EYS: variants seen among roughly 807,000 people sequenced by gnomAD.
EYS encodes the protein protein eyes shut homolog.
EYS carries 250 observed loss-of-function variants against 282.1 expected under a neutral mutation model. The observed-to-expected ratio is 0.89, with a 90% CI of 0.80 to 0.98. The LOEUF (loss-of-function observed/expected upper bound fraction) is 0.98. EYS is among the 50% of genes least tolerant of loss of function. The pLI is 0.00. For synonymous variants in EYS, 1,355 were observed against 1,282.9 expected, an observed-to-expected ratio of 1.06 and a Z score of -1.20; for missense variants, 4,016 against 3,709.0, an observed-to-expected ratio of 1.08 and a Z score of -2.15.
intron 26 of EYS, among the ~76,000 whole-genome samples, chr6:64,448,077 C>T (rs774673702): frequency 5.3e-5 from 8 of 152,176 alleles, no homozygotes; most frequent in Non-Finnish European, 7.4e-5. Flanking sequence ...ATCTGGGAAG[C>T]GCAGGGGGTC....
intron 16 of EYS, among the ~76,000 whole-genome samples, chr6:64,906,911 C>A (rs1767845554): frequency 6.6e-6 from 1 of 152,096 alleles, no homozygotes; most frequent in Non-Finnish European, 1.5e-5. Flanking sequence ...TTATTTAATT[C>A]TTGACATGTA....
In EYS at chr6:64,081,942, T is replaced by A. The variant is rs1039415909; in HGVS notation, c.6485A>T (p.Lys2162Met). Reference protein sequence around the residue: ...GNSYLELPFLKFVLEKEHNRT... With the variant: ...GNSYLELPFLMFVLEKEHNRT... Reference sequence around the variant, plus strand: ...GTTATGTTCCTTCTCCAGGACAAACTTCAAAAAGGGCAGTTCTAAATAGGA... The same window carrying A: ...GTTATGTTCCTTCTCCAGGACAAACATCAAAAAGGGCAGTTCTAAATAGGA... Residue 2162 changes from lysine (K) to methionine (M), a missense_variant, in exon 32 of 43, where the codon AAG (lysine) becomes ATG (methionine). Lys to Met is a moderately conservative substitution (Grantham distance 95). Transcript: ENST00000503581. The A allele has an allele frequency of 5.2e-6, 8 of 1,545,908 alleles. No homozygotes were observed. Among genetic ancestry groups the A allele is most frequent in the Middle Eastern group, 1.7e-4 (1 of 5,968 alleles).
At chr6:63,976,679 G>A (rs1766850581) in intron 35 of EYS, among the ~76,000 whole-genome samples, 1 of 151,968 alleles carries the variant, frequency 6.6e-6, no homozygotes, top group Admixed American at 6.6e-5. Flanking sequence ...CTTTGTATAG[G>A]AGCTAAATGA....
chr6:64,908,491 C>T (rs1767897885), intron 16 of EYS, among the ~76,000 whole-genome samples: 1 of 151,996 alleles, frequency 6.6e-6, no homozygotes, highest in South Asian at 2.1e-4. Context: ...GTTGGACGGC[C>T]TTTCTGGGTA....
intron 22 of EYS, among the ~76,000 whole-genome samples, chr6:64,661,582 C>G (rs1314273303): frequency 6.6e-6 from 1 of 151,776 alleles, no homozygotes; most frequent in African/African-American, 2.4e-5. Context: ...AGGATATGAA[C>G]AGACACTTCT....
At chr6:65,094,996 AT>A (rs1313191455) in intron 12 of EYS, among the ~76,000 whole-genome samples, 1 of 151,358 alleles carries the variant, frequency 6.6e-6, no homozygotes, top group Non-Finnish European at 1.5e-5. Context: ...AATAAAAAAA[AT>A]AGGAGATATT....
chr6:65,425,933 G>A (rs1425014894), intron 5 of EYS, among the ~76,000 whole-genome samples: 2 of 152,026 alleles, frequency 1.3e-5, no homozygotes, highest in African/African-American at 4.8e-5. Flanking sequence ...TAACCAAACT[G>A]AAGACTACAG....
At chr6:63,731,048 C>T (rs370828618) in intron 41 of EYS, among the ~76,000 whole-genome samples, 7 of 152,196 alleles carry the variant, frequency 4.6e-5, no homozygotes, top group African/African-American at 1.7e-4. Flanking sequence ...ATTACTAATA[C>T]TGATAAACAT....
At chr6:64,145,913 C>A (rs1205266335) in intron 31 of EYS, among the ~76,000 whole-genome samples, 1 of 152,180 alleles carries the variant, frequency 6.6e-6, no homozygotes, top group Non-Finnish European at 1.5e-5. Context: ...CTAATTTACA[C>A]TGAGCCCTTC....
chr6:65,056,613 T>A (rs1184578536), intron 13 of EYS, among the ~76,000 whole-genome samples: 1 of 151,980 alleles, frequency 6.6e-6, no homozygotes, highest in Non-Finnish European at 1.5e-5. Flanking sequence ...TGAAGTCTAA[T>A]ATTTTTACCG....
intron 26 of EYS, among the ~76,000 whole-genome samples, chr6:64,452,414 G>A (rs1384331313): frequency 2.0e-5 from 3 of 152,242 alleles, no homozygotes; most frequent in South Asian, 2.1e-4. Flanking sequence ...AATCAATATC[G>A]TGAAAATGGC....
chr6:63,888,775 G>A (rs1374367895), intron 35 of EYS, among the ~76,000 whole-genome samples: 1 of 152,212 alleles, frequency 6.6e-6, no homozygotes, highest in Non-Finnish European at 1.5e-5. Flanking sequence ...GCACAAAACT[G>A]GATGGAGAAT....
intron 32 of EYS, among the ~76,000 whole-genome samples, chr6:64,072,403 T>C (rs1399549647): frequency 1.3e-5 from 2 of 151,874 alleles, no homozygotes; most frequent in Non-Finnish European, 2.9e-5. Flanking sequence ...TTCTACTCTT[T>C]AGTATTTTTT....
chr6:65,056,739 ATTTG>A (rs1407383215), intron 13 of EYS, among the ~76,000 whole-genome samples: 2 of 152,150 alleles, frequency 1.3e-5, no homozygotes, highest in African/African-American at 4.8e-5. Context: ...AATATTACAT[ATTTG>A]TTAGAACATT....
At chr6:65,127,725 T>G (rs1329216454) in intron 12 of EYS, among the ~76,000 whole-genome samples, 1 of 152,058 alleles carries the variant, frequency 6.6e-6, no homozygotes, top group Admixed American at 6.6e-5. Flanking sequence ...TCTGAGAGAA[T>G]AGCAGTGGTC....
chr6:64,118,930 A>T (rs1216799453), intron 31 of EYS, among the ~76,000 whole-genome samples: 1 of 152,172 alleles, frequency 6.6e-6, no homozygotes, highest in Non-Finnish European at 1.5e-5. Flanking sequence ...GGAATAGCCA[A>T]CATGTATCTG....
At chr6:64,670,051 G>A (rs567430202) in intron 22 of EYS, among the ~76,000 whole-genome samples, 2 of 152,002 alleles carry the variant, frequency 1.3e-5, no homozygotes, top group African/African-American at 4.8e-5. Flanking sequence ...TCCAGGATCC[G>A]GGAGCCACCC....
At chr6:64,271,965 G>T (rs1338902599) in intron 30 of EYS, among the ~76,000 whole-genome samples, 1 of 152,126 alleles carries the variant, frequency 6.6e-6, no homozygotes, top group East Asian at 1.9e-4. Flanking sequence ...TCAGCCTCCC[G>T]AGTAGCTGGG....
intron 1 of EYS, among the ~76,000 whole-genome samples, chr6:65,689,832 C>T (rs1279502148): frequency 6.7e-6 from 1 of 149,838 alleles, no homozygotes; most frequent in Non-Finnish European, 1.5e-5. Context: ...GGCCAGCAGC[C>T]CTCAATGCAA....
Sources: allele counts gnomAD v4.1 joint callset (sites outside exome capture counted in the v4.1 genomes callset), GRCh38; gene constraint gnomAD v4.1.1; transcripts MANE v1.5; gene names NCBI Gene and HGNC (gene_info 2026-07-23, HGNC 2026-07-21).